MALRD1: variants seen among roughly 807,000 people sequenced by gnomAD.
The protein encoded by MALRD1 is MAM and LDL receptor class A domain containing 1.
MALRD1 carries 247 observed loss-of-function variants against 242.1 expected under a neutral mutation model. The observed-to-expected ratio is 1.02, with a 90% CI of 0.92 to 1.13. The LOEUF is 1.13. Ranked by LOEUF, MALRD1 falls within the 50% of genes most tolerant of loss-of-function variation. The pLI, the probability that MALRD1 is intolerant of heterozygous loss-of-function variation, is 0.00. For synonymous variants in MALRD1, 995 were observed against 866.6 expected, an observed-to-expected ratio of 1.15 and a Z score of -2.60; for missense variants, 2,989 against 2,533.1, an observed-to-expected ratio of 1.18 and a Z score of -3.86.
chr10:19,512,646 A>G (rs1833457140), intron 31 of MALRD1, among the ~76,000 whole-genome samples: 1 of 152,238 alleles, frequency 6.6e-6, no homozygotes, highest in Non-Finnish European at 1.5e-5. Context: ...CTACAAGAAC[A>G]CATTGATATC....
intron 18 of MALRD1, among the ~76,000 whole-genome samples, chr10:19,235,927 A>G (rs572295814): frequency 6.6e-6 from 1 of 152,100 alleles, no homozygotes; most frequent in Non-Finnish European, 1.5e-5. Flanking sequence ...GGTTGGGACA[A>G]TAAAGAAAGA....
chr10:19,615,173 A>C (rs1327780783), intron 35 of MALRD1, among the ~76,000 whole-genome samples: 1 of 152,048 alleles, frequency 6.6e-6, no homozygotes, highest in Non-Finnish European at 1.5e-5. Flanking sequence ...TACACTATCT[A>C]TATACATATA....
intron 22 of MALRD1, among the ~76,000 whole-genome samples, chr10:19,327,119 T>A (rs1272083599): frequency 1.3e-5 from 2 of 152,116 alleles, no homozygotes; most frequent in Non-Finnish European, 2.9e-5. Flanking sequence ...TACAATGAAA[T>A]GAGCTGACAT....
intron 2 of MALRD1, among the ~76,000 whole-genome samples, chr10:19,085,706 A>C (rs538572710): frequency 6.6e-6 from 1 of 152,108 alleles, no homozygotes; most frequent in African/African-American, 2.4e-5. Flanking sequence ...TGTGAGTTGA[A>C]AAATATCACT....
At chr10:19,571,742 A>G (rs1836551596) in intron 33 of MALRD1, among the ~76,000 whole-genome samples, 1 of 152,172 alleles carries the variant, frequency 6.6e-6, no homozygotes, top group Non-Finnish European at 1.5e-5. Flanking sequence ...CCCTTAGGAA[A>G]TGTGAAAAAG....
At position 19,508,261 on chromosome 10, in the gene MALRD1, C is replaced by G. The variant is rs550227038; in HGVS notation, c.5320+9615C>G. Among the ~76,000 whole-genome samples, 135 of 151,998 alleles carry G rather than the reference C, an allele frequency of 8.9e-4. 4 individuals are homozygous for G. The South Asian group carries it at 0.028, about 31-fold the overall frequency. On this transcript the variant is annotated intron_variant, in intron 31 of 39. Coordinates refer to ENST00000454679, the MANE Select transcript of MALRD1 (RefSeq NM_001142308.3). ...ACTGAATAGACAAAAAAGCTTTTTT[C>G]AAACACAATGTGAAATTTCAGAATG...
intron 35 of MALRD1, among the ~76,000 whole-genome samples, chr10:19,609,946 A>G (rs570643293): frequency 6.6e-6 from 1 of 151,270 alleles, no homozygotes; most frequent in Non-Finnish European, 1.5e-5. Flanking sequence ...AATATTGATA[A>G]TGGTGGTGAT....
At chr10:19,665,871 A>G (rs1339324431) in intron 36 of MALRD1, among the ~76,000 whole-genome samples, 1 of 139,146 alleles carries the variant, frequency 7.2e-6, no homozygotes, top group Non-Finnish European at 1.6e-5. Context: ...TAGCCTTGAG[A>G]TCTTTTCTAA....
chr10:19,474,842 A>G (rs1328756887), intron 29 of MALRD1, among the ~76,000 whole-genome samples: 1 of 152,150 alleles, frequency 6.6e-6, no homozygotes, highest in Non-Finnish European at 1.5e-5. Flanking sequence ...AACCCATTTT[A>G]TAGAACTAAG....
intron 38 of MALRD1, among the ~76,000 whole-genome samples, chr10:19,701,609 A>G (rs761824045): frequency 2.6e-5 from 4 of 152,060 alleles, no homozygotes; most frequent in Admixed American, 6.5e-5. Flanking sequence ...GATTTGAGAC[A>G]AGCAATATGG....
Position 19,481,969 on chromosome 10 carries a change from A to G in MALRD1, c.5030-9548A>G, listed in dbSNP as rs75083165. Among the ~76,000 whole-genome samples the G allele has an allele frequency of 5.3e-3, 808 of 152,146 alleles. 4 individuals are homozygous for G. The highest frequency in any genetic ancestry group is 8.1e-3 in the South Asian group (39 of 4,826). On this transcript the variant is annotated intron_variant, in intron 29 of 39. Transcript: ENST00000454679. ...TTCCTCGAAGGTGAGAGCTATCTCAATATTTTCCATCGTGTCTGATAGTTG... is the reference window on the plus strand; with the variant it reads ...TTCCTCGAAGGTGAGAGCTATCTCAGTATTTTCCATCGTGTCTGATAGTTG...
Position 19,136,768 on chromosome 10 carries a change from C to A in MALRD1, c.1398C>A (p.Asp466Glu). ...ACTGCTCCGATGAGAGTGATGAAGA[C>A]CCAGCAACTTGCTGTAAGTGAGTGA... ...RQDCSDESDE[D>E]PATCSKHLTC... Residue 466 changes from aspartate (D) to glutamate (E), a missense_variant, in exon 10 of 40, where the codon GAC (aspartate) becomes GAA (glutamate). Transcript: ENST00000454679. 8.1e-7 allele frequency: 1 copy of A among 1,231,622 alleles called. No individual in the cohort carries two copies. The highest frequency in any genetic ancestry group is 3.2e-5 in the East Asian group (1 of 31,688). 76.3% of individuals were successfully genotyped at this position (1,231,622 alleles called of 1,614,324 possible). A position where few individuals can be genotyped will look rare whatever the true frequency, so the allele number is the denominator to read the frequency against.
intron 6 of MALRD1, among the ~76,000 whole-genome samples, chr10:19,123,860 AAACT>A (rs796712680): frequency 2.8e-4 from 42 of 152,278 alleles, no homozygotes; most frequent in African/African-American, 1.0e-3. Flanking sequence ...TAAATAATTT[AAACT>A]AACTAATCTA....
intron 27 of MALRD1, among the ~76,000 whole-genome samples, chr10:19,388,602 A>G (rs1047329994): frequency 2.0e-5 from 3 of 152,208 alleles, no homozygotes; most frequent in Non-Finnish European, 4.4e-5. Context: ...TGAAGAGAAA[A>G]GAGTTTGAAA....
At chr10:19,095,169 G>A (rs956866425) in intron 4 of MALRD1, among the ~76,000 whole-genome samples, 3 of 152,060 alleles carry the variant, frequency 2.0e-5, no homozygotes, top group African/African-American at 7.2e-5. Flanking sequence ...TTTTACGTTC[G>A]ATTCTTTTGA....
chr10:19,391,087 T>C (rs1846317155), intron 28 of MALRD1, among the ~76,000 whole-genome samples: 1 of 152,182 alleles, frequency 6.6e-6, no homozygotes. Flanking sequence ...GTAACAAACT[T>C]TTTATTTCTA....
intron 36 of MALRD1, among the ~76,000 whole-genome samples, chr10:19,684,893 T>A (rs1386762332): frequency 6.6e-6 from 1 of 152,168 alleles, no homozygotes. Flanking sequence ...CCTTTAAAAC[T>A]ACAAAATTAG....
intron 11 of MALRD1, among the ~76,000 whole-genome samples, chr10:19,154,237 G>C (rs1206743452): frequency 6.6e-6 from 1 of 152,100 alleles, no homozygotes; most frequent in Non-Finnish European, 1.5e-5. Flanking sequence ...TGGTTGTTTG[G>C]TTAAACATGT....
At chr10:19,214,168 G>T (rs1383227284) in intron 18 of MALRD1, among the ~76,000 whole-genome samples, 2 of 152,078 alleles carry the variant, frequency 1.3e-5, no homozygotes, top group Non-Finnish European at 2.9e-5. Flanking sequence ...CGGAAACCTT[G>T]TCCTGAGAGC....
Sources: allele counts gnomAD v4.1 joint callset (sites outside exome capture counted in the v4.1 genomes callset), GRCh38; gene constraint gnomAD v4.1.1; transcripts MANE v1.5; gene names NCBI Gene and HGNC (gene_info 2026-07-23, HGNC 2026-07-21).